The following EEFSEC variants were observed in gnomAD, a reference collection of about 807,000 sequenced individuals.
EEFSEC encodes selenocysteine-specific elongation factor.
Under a neutral mutation model 42.1 loss-of-function variants are expected in EEFSEC, and 43 were observed. The ratio of observed to expected loss-of-function variants is 1.02; its 90% CI spans 0.80 to 1.32. The LOEUF is 1.32. Ranked by LOEUF, EEFSEC falls within the 40% of genes most tolerant of loss-of-function variation. EEFSEC has a pLI of 0.00. For synonymous variants in EEFSEC, 354 were observed against 339.1 expected, an observed-to-expected ratio of 1.04 and a Z score of -0.48; for missense variants, 745 against 803.6, an observed-to-expected ratio of 0.93 and a Z score of 0.88.
In EEFSEC at chr3:128,246,870, C is replaced by T. The variant is rs1345814460; in HGVS notation, c.351C>T (p.Ile117=). 5 of 1,614,094 alleles carry T rather than the reference C, an allele frequency of 3.1e-6. No individual in the cohort carries two copies. In the South Asian group the frequency reaches 3.3e-5, roughly 11 times the overall value. Reference sequence around the variant, plus strand: ...TCATTGATCTGATGATGCTGGTCATCGATGTGACCAAGGGGATGCAGACCC... The same window carrying T: ...TCATTGATCTGATGATGCTGGTCATTGATGTGACCAAGGGGATGCAGACCC... ...AQIIDLMMLV[I]DVTKGMQTQS... Residue 117 remains isoleucine (I), a synonymous_variant, in exon 2 of 7, where the codon ATC becomes ATT. Coordinates refer to ENST00000254730, the MANE Select transcript of EEFSEC (RefSeq NM_021937.5).
chr3:128,395,541 C>G (rs1036593143), intron 6 of EEFSEC, among the ~76,000 whole-genome samples: 1 of 152,214 alleles, frequency 6.6e-6, no homozygotes, highest in East Asian at 1.9e-4. Flanking sequence ...TCTCAAGATG[C>G]CTGTGAGAGA....
At chr3:128,403,135 G>C (rs188258812) in intron 6 of EEFSEC, among the ~76,000 whole-genome samples, 41 of 152,318 alleles carry the variant, frequency 2.7e-4, no homozygotes, top group Admixed American at 2.5e-3. Context: ...CGAAGAAAGT[G>C]AACCTGCAGC....
intron 1 of EEFSEC, among the ~76,000 whole-genome samples, chr3:128,161,732 C>CA (rs2065189797): frequency 6.6e-6 from 1 of 152,206 alleles, no homozygotes; most frequent in South Asian, 2.1e-4. Flanking sequence ...AAGGCTCTTC[C>CA]CCTTTCATCT....
At chr3:128,368,978 G>A (rs1224481727) in intron 6 of EEFSEC, among the ~76,000 whole-genome samples, 6 of 152,248 alleles carry the variant, frequency 3.9e-5, no homozygotes, top group Non-Finnish European at 8.8e-5. Context: ...ATTTTTACAT[G>A]AAATCTTCCC....
chr3:128,208,420 T>TCATAC (rs748802225), intron 1 of EEFSEC, among the ~76,000 whole-genome samples: 1 of 152,206 alleles, frequency 6.6e-6, no homozygotes, highest in Non-Finnish European at 1.5e-5. Context: ...TTTATGGGGC[T>TCATAC]CATAGTCTAG....
At chr3:128,298,139 G>T (rs771892318) in intron 4 of EEFSEC, among the ~76,000 whole-genome samples, 4 of 152,184 alleles carry the variant, frequency 2.6e-5, no homozygotes, top group Non-Finnish European at 5.9e-5. Context: ...TTACTCCCTT[G>T]TGCCAGTCTA....
chr3:128,235,945 T>TTG (rs2066005379), intron 1 of EEFSEC, among the ~76,000 whole-genome samples: 3 of 99,916 alleles, frequency 3.0e-5, no homozygotes, highest in African/African-American at 1.3e-4. Flanking sequence ...GGCAAAGGTT[T>TTG]GTTTGTTTGT....
intron 4 of EEFSEC, among the ~76,000 whole-genome samples, chr3:128,294,299 T>A (rs554122701): frequency 2.0e-5 from 3 of 152,346 alleles, no homozygotes; most frequent in African/African-American, 7.2e-5. Context: ...TAGAGTTTGC[T>A]GACCCTGTTA....
intron 6 of EEFSEC, among the ~76,000 whole-genome samples, chr3:128,375,869 G>A (rs2067704294): frequency 6.6e-6 from 1 of 152,046 alleles, no homozygotes; most frequent in Non-Finnish European, 1.5e-5. Flanking sequence ...GAGTGAGTGA[G>A]TGGGCAAACC....
chr3:128,242,500 TA>T (rs60232262), intron 1 of EEFSEC, among the ~76,000 whole-genome samples: 2 of 151,564 alleles, frequency 1.3e-5, no homozygotes, highest in Non-Finnish European at 2.9e-5. Context: ...TTGACTTTTT[TA>T]AAAAAAAATC....
At chr3:128,292,758 C>T (rs1035453082) in intron 4 of EEFSEC, among the ~76,000 whole-genome samples, 1 of 151,704 alleles carries the variant, frequency 6.6e-6, no homozygotes, top group Non-Finnish European at 1.5e-5. Flanking sequence ...CAGCTTTTGG[C>T]TTTGTTGATT....
chr3:128,373,260 A>G (rs1200643341), intron 6 of EEFSEC, among the ~76,000 whole-genome samples: 1 of 152,194 alleles, frequency 6.6e-6, no homozygotes, highest in Admixed American at 6.5e-5. Context: ...GTTCCGTGCA[A>G]TGTGGAGCCA....
At chr3:128,160,828 A>G (rs1247743410) in intron 1 of EEFSEC, among the ~76,000 whole-genome samples, 1 of 152,114 alleles carries the variant, frequency 6.6e-6, no homozygotes, top group Non-Finnish European at 1.5e-5. Context: ...ACACACACGA[A>G]TCCTATCTTA....
At chr3:128,323,924 T>TC (rs559001939) in intron 4 of EEFSEC, among the ~76,000 whole-genome samples, 1 of 151,828 alleles carries the variant, frequency 6.6e-6, no homozygotes, top group Non-Finnish European at 1.5e-5. Context: ...TCTGAGCGCC[T>TC]CCCCCCCTGT....
chr3:128,194,427 T>C (rs913419290), intron 1 of EEFSEC, among the ~76,000 whole-genome samples: 1 of 152,202 alleles, frequency 6.6e-6, no homozygotes. Flanking sequence ...TGGATGGGAC[T>C]GGGATGGTTG....
chr3:128,226,602 A>G (rs749988811), intron 1 of EEFSEC, among the ~76,000 whole-genome samples: 17 of 151,998 alleles, frequency 1.1e-4, no homozygotes, highest in Non-Finnish European at 2.2e-4. Context: ...CCCTCCCTCC[A>G]GTTGCTAAAT....
intron 1 of EEFSEC, 34 bp from the exon 2 acceptor site, chr3:128,246,802 T>C: frequency 6.2e-7 from 1 of 1,610,334 alleles, no homozygotes; most frequent in Non-Finnish European, 8.5e-7. Context: ...CACCACCCCT[T>C]TTCCCTTTCT....
chr3:128,367,697 ACCAGAC>A, intron 6 of EEFSEC: 1 of 985,330 alleles, frequency 1.0e-6, no homozygotes, highest in Non-Finnish European at 1.2e-6. Flanking sequence ...CAGCCTTGAA[ACCAGAC>A]CCAGAGATGA....
chr3:128,368,844 C>T (rs939212731), intron 6 of EEFSEC, among the ~76,000 whole-genome samples: 3 of 152,254 alleles, frequency 2.0e-5, no homozygotes, highest in Admixed American at 6.5e-5. Flanking sequence ...TGACACGTGC[C>T]GGAGTCCAGG....
Sources: gnomAD v4.1 joint callset for allele counts (sites outside exome capture counted in the v4.1 genomes callset) on GRCh38, gnomAD v4.1.1 for gene constraint, MANE v1.5 for transcripts, NCBI Gene and HGNC (gene_info 2026-07-23, HGNC 2026-07-21) for gene names.